The following CDH11 variants were observed in gnomAD, a reference collection of about 807,000 sequenced individuals.
CDH11 encodes the protein cadherin-11.
Under a neutral mutation model 67.8 loss-of-function variants are expected in CDH11, and 11 were observed. The observed-to-expected ratio is 0.16, with a 90% CI of 0.10 to 0.27. The LOEUF (loss-of-function observed/expected upper bound fraction) is 0.27, where lower values mean the gene tolerates loss of function less well. CDH11 is among the 10% of genes least tolerant of loss of function. The pLI is 1.00. For missense variants in CDH11, 847 were observed against 1,031.2 expected (o/e 0.82, Z 2.45); for synonymous variants, 419 against 400.0 (o/e 1.05, Z -0.57).
Position 65,121,183 on chromosome 16 carries a change from G to C in CDH11, c.-298+697C>G, listed in dbSNP as rs2075323429. 6.6e-6 allele frequency among the ~76,000 whole-genome samples: 1 copy of C among 152,206 alleles called. No homozygotes were observed. Among genetic ancestry groups the C allele is most frequent in the Non-Finnish European group, 1.5e-5 (1 of 68,038 alleles). Reference sequence around the variant, plus strand: ...CATGGACCTACTCCTGCGCTGGTGGGAGCTTACAAACGGGCGCCAGAGCTC... The same window carrying C: ...CATGGACCTACTCCTGCGCTGGTGGCAGCTTACAAACGGGCGCCAGAGCTC... On this transcript the variant is annotated intron_variant, in intron 1 of 12. Coordinates refer to ENST00000268603, the MANE Select transcript of CDH11 (RefSeq NM_001797.4). The surrounding 1 kb of genome is among the most constrained non-coding windows in gnomAD (Gnocchi z 4.1).
intron 1 of CDH11, among the ~76,000 whole-genome samples, chr16:65,105,114 T>C (rs1368262738): frequency 6.8e-6 from 1 of 146,836 alleles, no homozygotes; most frequent in Non-Finnish European, 1.5e-5. Flanking sequence ...AGCACCAGCA[T>C]CAAGTTACAA....
Position 64,964,378 on chromosome 16 carries a change from T to G in CDH11, c.1642+7201A>C, listed in dbSNP as rs186709720. Among the ~76,000 whole-genome samples, 6 of 152,144 alleles carry G rather than the reference T, an allele frequency of 3.9e-5. No individual in the cohort carries two copies. The East Asian group carries it at 1.2e-3, about 29-fold the overall frequency. On this transcript the variant is annotated intron_variant, in intron 11 of 12. Coordinates refer to ENST00000268603, the MANE Select transcript of CDH11 (RefSeq NM_001797.4). ...GAGCAAATATTTGTGTGTTGAAACATAGAAAAAGTACAGTAAAAATATGGC... is the reference window on the plus strand; with the variant it reads ...GAGCAAATATTTGTGTGTTGAAACAGAGAAAAAGTACAGTAAAAATATGGC...
intron 4 of CDH11, among the ~76,000 whole-genome samples, chr16:64,996,315 C>A (rs1331696392): frequency 6.6e-6 from 1 of 152,032 alleles, no homozygotes; most frequent in African/African-American, 2.4e-5. Flanking sequence ...CATGGCAAAA[C>A]CCCTGTGTAC....
chr16:65,010,518 C>T (rs566707967), intron 2 of CDH11, among the ~76,000 whole-genome samples: 1 of 152,222 alleles, frequency 6.6e-6, no homozygotes, highest in Non-Finnish European at 1.5e-5. Context: ...AAGGCATAAG[C>T]TTGGGGTAAT....
At position 64,956,211 on chromosome 16, in the gene CDH11, G is replaced by A. The variant is rs185434455; in HGVS notation, c.1643-5193C>T. Among the ~76,000 whole-genome samples the A allele has an allele frequency of 2.2e-4, 33 of 152,240 alleles. No homozygotes were observed. In the East Asian group the frequency reaches 2.7e-3, roughly 12 times the overall value. ...GCCTGACTTTAAACATATTATCTAG[G>A]TGTCTTGATTTTCCATATTGTCATC... On this transcript the variant is annotated intron_variant, in intron 11 of 12. Transcript: ENST00000268603.
intron 1 of CDH11, among the ~76,000 whole-genome samples, chr16:65,084,768 A>T (rs1675186661): frequency 6.6e-6 from 1 of 152,212 alleles, no homozygotes; most frequent in African/African-American, 2.4e-5. Context: ...TAAAATATTA[A>T]TCACAAAATA....
intron 7 of CDH11, among the ~76,000 whole-genome samples, chr16:64,984,447 G>A (rs1414750879): frequency 6.6e-6 from 1 of 152,160 alleles, no homozygotes; most frequent in Non-Finnish European, 1.5e-5. Flanking sequence ...AAGATGTGAG[G>A]TAGTTTCCCA....
chr16:65,010,413 T>C (rs1449419033), intron 2 of CDH11, among the ~76,000 whole-genome samples: 1 of 152,156 alleles, frequency 6.6e-6, no homozygotes, highest in Non-Finnish European at 1.5e-5. Flanking sequence ...GCCATGTCTG[T>C]GGAAATCACA....
intron 11 of CDH11, among the ~76,000 whole-genome samples, chr16:64,959,389 C>A (rs1022703446): frequency 3.3e-5 from 5 of 152,176 alleles, no homozygotes; most frequent in Non-Finnish European, 5.9e-5. Flanking sequence ...AAAGAACATA[C>A]TGCCCACGTA....
At chr16:65,024,533 A>G (rs1349153762) in intron 2 of CDH11, among the ~76,000 whole-genome samples, 1 of 152,212 alleles carries the variant, frequency 6.6e-6, no homozygotes, top group African/African-American at 2.4e-5. Context: ...TGTGGCTTTT[A>G]AAATTTAAAT....
chr16:65,110,624 A>G (rs1045181162), intron 1 of CDH11, among the ~76,000 whole-genome samples: 9 of 135,828 alleles, frequency 6.6e-5, no homozygotes, highest in African/African-American at 2.5e-4. Context: ...ATGGCCAATG[A>G]TGTGTGTGTG....
At position 65,121,839 on chromosome 16, in the gene CDH11, C is replaced by A; in HGVS notation, c.-298+41G>T. 1 of 701,890 alleles carries A rather than the reference C, an allele frequency of 1.4e-6. No individual in the cohort carries two copies. The highest frequency in any genetic ancestry group is 1.5e-5 in the South Asian group (1 of 67,570). 43.5% of individuals were successfully genotyped at this position (701,890 alleles called of 1,614,324 possible). On this transcript the variant is annotated intron_variant, in intron 1 of 12. Transcript: ENST00000268603. The surrounding 1 kb of genome is among the most constrained non-coding windows in gnomAD (Gnocchi z 4.1). ...AAATCCTGCCCCCCATTCCAAGAAG[C>A]CCCAACCAGGCGAGAGGAAGGGACT...
chr16:64,991,879 C>T lies in CDH11; in HGVS notation c.700G>A (p.Val234Met), dbSNP rs544035690. The T allele has an allele frequency of 6.8e-6, 11 of 1,613,872 alleles. No individual in the cohort carries two copies. The highest frequency in any genetic ancestry group is 2.2e-5 in the South Asian group (2 of 91,066). Residue 234 changes from valine to methionine, a missense_variant, in exon 6 of 13, where the codon GTG becomes ATG. Physicochemically the swap from Val to Met is conservative, Grantham distance 21 (BLOSUM62 1). Coordinates refer to ENST00000268603, the MANE Select transcript of CDH11 (RefSeq NM_001797.4). Reference protein sequence around the residue: ...MDREAKEEYHVVIQAKDMGGH... With the variant: ...MDREAKEEYHMVIQAKDMGGH... ...CCCATGTCCTTGGCCTGGATCACCA[C>T]GTGGTACTCCTCCTTGGCCTCCCTG...
At chr16:64,968,426 G>C (rs752301128) in intron 11 of CDH11, 5 of 984,524 alleles carry the variant, frequency 5.1e-6, no homozygotes, top group Non-Finnish European at 4.8e-6. Flanking sequence ...CAAAGTAAAT[G>C]CATCTCAAAA....
At chr16:65,099,898 A>G (rs574977550) in intron 1 of CDH11, among the ~76,000 whole-genome samples, 9 of 152,252 alleles carry the variant, frequency 5.9e-5, no homozygotes, top group African/African-American at 2.2e-4. Flanking sequence ...GAAGAGGTAG[A>G]GTAAAAGTGA....
intron 10 of CDH11, 30 bp downstream of exon 10, chr16:64,971,901 C>T (rs2072014415): frequency 1.2e-6 from 2 of 1,612,342 alleles, no homozygotes. Context: ...GTGCATTGTT[C>T]CTAGCCAAGA....
At chr16:65,013,209 T>A (rs2073218682) in intron 2 of CDH11, among the ~76,000 whole-genome samples, 1 of 152,140 alleles carries the variant, frequency 6.6e-6, no homozygotes, top group Non-Finnish European at 1.5e-5. Flanking sequence ...ACCTACAGCA[T>A]CATGGGAATC....
intron 1 of CDH11, among the ~76,000 whole-genome samples, chr16:65,058,739 G>A (rs372738778): frequency 2.6e-5 from 4 of 152,248 alleles, no homozygotes; most frequent in Middle Eastern, 3.4e-3. Context: ...TTAAAATCAA[G>A]TTTTTCCTCC....
At chr16:64,951,190 A>G (rs35145) in intron 11 of CDH11, among the ~76,000 whole-genome samples, 172 bp from the exon 12 acceptor site, 39,796 of 152,170 alleles carry the variant, frequency 0.26, 6,024 homozygotes, top group Middle Eastern at 0.36. Context: ...GTTTGGCATG[A>G]TCACGAAACA....
Sources: allele counts gnomAD v4.1 joint callset (sites outside exome capture counted in the v4.1 genomes callset), GRCh38; gene constraint gnomAD v4.1.1; non-coding constraint Gnocchi (gnomAD v3.1); transcripts MANE v1.5; gene names NCBI Gene and HGNC (gene_info 2026-07-23, HGNC 2026-07-21).